PPCS: variants seen among roughly 807,000 people sequenced by gnomAD.
PPCS encodes phosphopantothenoylcysteine synthetase, also known as phosphopantothenate--cysteine ligase.
PPCS carries 17 observed loss-of-function variants against 24.6 expected under a neutral mutation model. That is an observed-to-expected ratio of 0.69 (90% confidence interval 0.47 to 1.04). The LOEUF (loss-of-function observed/expected upper bound fraction) is 1.04. Ranked by LOEUF, PPCS falls within the 50% of genes least tolerant of loss-of-function variation. The probability of loss-of-function intolerance (pLI) is 0.00; values close to 1 mark genes in which losing one functional copy is unlikely to be tolerated. For synonymous variants in PPCS, 190 were observed against 168.3 expected (o/e 1.13, Z -1.00); for missense variants, 360 against 402.8 (o/e 0.89, Z 0.91).
In PPCS at chr1:42,456,815, T is replaced by C; in HGVS notation, c.250T>C (p.Tyr84His). Residue 84 changes from tyrosine (Y) to histidine (H), a missense_variant, in exon 1 of 3, where the codon TAT becomes CAT. This residue lies in a region of PPCS where 244 missense variants were observed against 234.7 expected (regional missense o/e 1.04). Transcript: ENST00000372561. ...LAAGYGVLFLYRARSAFPYAH... is the reference protein window; with the variant it reads ...LAAGYGVLFLHRARSAFPYAH... Reference sequence around the variant, plus strand: ...CGCCGGCTACGGGGTCCTGTTCTTGTATCGCGCTCGCTCTGCCTTCCCCTA... The same window carrying C: ...CGCCGGCTACGGGGTCCTGTTCTTGCATCGCGCTCGCTCTGCCTTCCCCTA... 1 of 1,613,440 alleles carries C rather than the reference T, an allele frequency of 6.2e-7. No individual in the cohort carries two copies. Among genetic ancestry groups the C allele is most frequent in the South Asian group, 1.1e-5 (1 of 91,086 alleles).
At chr1:42,469,656 G>GTT (rs1643703066) in intron 2 of PPCS, among the ~76,000 whole-genome samples, 1 of 152,184 alleles carries the variant, frequency 6.6e-6, no homozygotes, top group African/African-American at 2.4e-5. Context: ...TACAGGTAAA[G>GTT]GGATTAACCT....
chr1:42,459,368 T>C, intron 2 of PPCS: 1 of 504,254 alleles, frequency 2.0e-6, no homozygotes, highest in Non-Finnish European at 3.5e-6. Context: ...TTTGCCATGT[T>C]GCCCAGGCTG....
chr1:42,473,222 C>A (rs1643825838), exon 3 of PPCS: 1 of 1,231,348 alleles, frequency 8.1e-7, no homozygotes, highest in Non-Finnish European at 1.0e-6. Flanking sequence ...CTTATTCCAG[C>A]CAGCACAGTG....
Position 42,460,586 on chromosome 1 carries a change from T to C in PPCS, c.*660T>C, listed in dbSNP as rs1048495365. Among the ~76,000 whole-genome samples, 1 of 152,192 alleles carries C rather than the reference T, an allele frequency of 6.6e-6. No homozygotes were observed. Among genetic ancestry groups the C allele is most frequent in the Non-Finnish European group, 1.5e-5 (1 of 68,022 alleles). ...ACATTTCAAGTATTTTAGGACTGCT[T>C]TTCAGTTTAACTTAATATGTCCTTC... On this transcript the variant is annotated 3_prime_UTR_variant, in exon 3 of 3. Transcript: ENST00000372561.
intron 2 of PPCS, chr1:42,457,705 C>T (rs1010504803): frequency 9.5e-5 from 19 of 200,458 alleles, no homozygotes; most frequent in Non-Finnish European, 1.9e-4. Context: ...GTAATCCCAG[C>T]ACTTTGGGAG....
chr1:42,467,319 C>T (rs772238129), intron 2 of PPCS, among the ~76,000 whole-genome samples: 9 of 152,206 alleles, frequency 5.9e-5, no homozygotes, highest in Admixed American at 2.0e-4. Context: ...GCAGGAACAT[C>T]AGTTAAGGTT....
downstream of PPCS, among the ~76,000 whole-genome samples, chr1:42,465,526 T>C (rs1643547268): frequency 6.6e-6 from 1 of 151,966 alleles, no homozygotes; most frequent in Non-Finnish European, 1.5e-5. Flanking sequence ...CACCACACCC[T>C]GCTAATTTTG....
chr1:42,462,869 T>A (rs1456019749), downstream of PPCS, among the ~76,000 whole-genome samples: 3 of 152,212 alleles, frequency 2.0e-5, no homozygotes, highest in African/African-American at 7.2e-5. Flanking sequence ...TTATCTTACG[T>A]GCCCCACGTG....
In PPCS at chr1:42,457,700, C is replaced by T. The variant is rs567281572; in HGVS notation, c.612+350C>T. Reference sequence around the variant, plus strand: ...GAGCGCGGTGGCTCACGCCTGTAATCCCAGCACTTTGGGAGGCCAAGGAGG... The same window carrying T: ...GAGCGCGGTGGCTCACGCCTGTAATTCCAGCACTTTGGGAGGCCAAGGAGG... On this transcript the variant is annotated intron_variant, in intron 2 of 2. Coordinates refer to ENST00000372561, the MANE Select transcript of PPCS (RefSeq NM_024664.4). 6.3e-4 allele frequency: 129 copies of T among 205,456 alleles called. 2 individuals carry two copies. The highest frequency in any genetic ancestry group is 2.0e-3 in the Middle Eastern group (1 of 494). 12.7% of individuals were successfully genotyped at this position (205,456 alleles called of 1,614,324 possible). A position where few individuals can be genotyped will look rare whatever the true frequency, so the allele number is the denominator to read the frequency against.
downstream of PPCS, among the ~76,000 whole-genome samples, chr1:42,463,009 G>A (rs1216136686): frequency 6.6e-6 from 1 of 151,262 alleles, no homozygotes; most frequent in African/African-American, 2.5e-5. Context: ...GAGTCCTGGC[G>A]GGAAGTTCTT....
upstream of PPCS, chr1:42,456,462 T>C (rs1478028168): frequency 8.0e-7 from 1 of 1,246,302 alleles, no homozygotes; most frequent in Non-Finnish European, 1.1e-6. Context: ...AGAAGGGTAG[T>C]GAACCGCCCA....
chr1:42,459,762 A>G lies in PPCS; in HGVS notation c.772A>G (p.Asn258Asp). The G allele has an allele frequency of 6.2e-7, 1 of 1,614,202 alleles. No homozygotes were observed. The highest frequency in any genetic ancestry group is 1.3e-5 in the African/African-American group (1 of 75,042). The change falls in exon 3 of 3, where the codon AAT becomes GAT. Residue 258 changes from asparagine (N) to aspartate (D), a missense_variant. Coordinates refer to ENST00000372561, the MANE Select transcript of PPCS (RefSeq NM_024664.4). ...EIYQHQVVVANILESRQSFVF... is the reference protein window; with the variant it reads ...EIYQHQVVVADILESRQSFVF... ...TTATCAGCATCAAGTGGTGGTGGCT[A>G]ATATCCTTGAGTCACGACAGTCCTT... is the stretch of plus-strand genomic sequence containing the variant.
chr1:42,465,188 T>G (rs1232017126), downstream of PPCS, among the ~76,000 whole-genome samples: 2 of 152,160 alleles, frequency 1.3e-5, no homozygotes, highest in Admixed American at 1.3e-4. Flanking sequence ...GGAGCACTCC[T>G]GTAGCCTGGC....
chr1:42,462,127 G>A (rs1049782314), downstream of PPCS, among the ~76,000 whole-genome samples: 2 of 151,938 alleles, frequency 1.3e-5, no homozygotes, highest in African/African-American at 4.8e-5. Flanking sequence ...AAAACAATCA[G>A]TGTTCTACAT....
At chr1:42,463,054 G>T (rs1421630674), downstream of PPCS, among the ~76,000 whole-genome samples, 4 of 152,226 alleles carry the variant, frequency 2.6e-5, no homozygotes, top group African/African-American at 9.6e-5. Context: ...AAATGTATTC[G>T]CTAAGTCGCA....
chr1:42,460,785 CT>C lies in PPCS; in HGVS notation c.*860del, dbSNP rs1022725722. On this transcript the variant is annotated 3_prime_UTR_variant, in exon 3 of 3. Transcript: ENST00000372561. ...CATGCATAAAATGAGGATAATCTCT[CT>C]GCAAAGTAATGCCATTTATTGTGAG... Among the ~76,000 whole-genome samples the C allele has an allele frequency of 2.0e-5, 3 of 152,202 alleles. No homozygotes were observed. Among genetic ancestry groups the C allele is most frequent in the Admixed American group, 6.5e-5 (1 of 15,282 alleles).
chr1:42,456,438 G>C, upstream of PPCS: 1 of 1,001,270 alleles, frequency 1.0e-6, no homozygotes, highest in African/African-American at 1.7e-5. Context: ...GCGAGATCGG[G>C]ACCTAGTGTC....
chr1:42,467,747 A>G (rs781041342), intron 2 of PPCS: 1 of 152,208 alleles, frequency 6.6e-6, no homozygotes, highest in Non-Finnish European at 1.5e-5. Context: ...CTTCCAACCC[A>G]TTCCATGTAC....
downstream of PPCS, chr1:42,464,208 G>C (rs920261315): frequency 2.0e-5 from 3 of 152,112 alleles, no homozygotes; most frequent in African/African-American, 2.4e-5. Context: ...ACTAGGAGAA[G>C]TGCAAATTGG....
Sources: gnomAD v4.1 joint callset for allele counts (sites outside exome capture counted in the v4.1 genomes callset) on GRCh38, gnomAD v4.1.1 for gene constraint, gnomAD v4.1.1 regional missense constraint, MANE v1.5 for transcripts, NCBI Gene and HGNC (gene_info 2026-07-23, HGNC 2026-07-21) for gene names.